KASH5: variants seen among roughly 807,000 people sequenced by gnomAD.
KASH5 encodes the protein protein KASH5.
A neutral mutation model predicts 84.2 loss-of-function variants in KASH5; 72 were observed. The observed-to-expected ratio is 0.85, with a 90% CI of 0.71 to 1.04. The LOEUF is 1.04. Ranked by LOEUF, KASH5 falls within the 50% of genes least tolerant of loss-of-function variation. KASH5 has a pLI of 0.00. For missense variants in KASH5, 650 were observed against 701.0 expected, an observed-to-expected ratio of 0.93 and a Z score of 0.82; for synonymous variants, 260 against 279.1, an observed-to-expected ratio of 0.93 and a Z score of 0.68.
chr19:49,407,668 G>A lies in KASH5; in HGVS notation c.990G>A (p.Thr330=), dbSNP rs745465947. 2.6e-5 allele frequency: 41 copies of A among 1,603,452 alleles called. 1 individual carries two copies. Among genetic ancestry groups the A allele is most frequent in the East Asian group, 2.3e-4 (10 of 44,248 alleles). ...CCCTGGAAGAATACAGAGTGACGAC[G>A]CAGGTAACTCAGCGGCCCTCGCCAC... is the stretch of plus-strand genomic sequence containing the variant. ...AQTLEEYRVT[T]QELRLEISRL... is the part of the protein sequence containing the mutation. Residue 330 remains threonine, a synonymous_variant, in exon 12 of 20, where the codon ACG becomes ACA. Transcript: ENST00000447857.
intron 9 of KASH5, among the ~76,000 whole-genome samples, chr19:49,401,349 C>CT (rs1974354922): frequency 6.6e-6 from 1 of 152,138 alleles, no homozygotes; most frequent in Non-Finnish European, 1.5e-5. Context: ...AGAGATTCCT[C>CT]TGTTCTCCCT....
At chr19:49,402,339 G>A (rs971672485) in intron 9 of KASH5, among the ~76,000 whole-genome samples, 5 of 152,048 alleles carry the variant, frequency 3.3e-5, no homozygotes, top group African/African-American at 9.7e-5. Flanking sequence ...GCCTAGGCCA[G>A]GAGTTCGAGA....
chr19:49,392,989 C>T (rs910068769), intron 2 of KASH5, among the ~76,000 whole-genome samples: 1 of 151,740 alleles, frequency 6.6e-6, no homozygotes, highest in African/African-American at 2.4e-5. Flanking sequence ...TGAGTCCACA[C>T]GCCCCTTCCC....
intron 12 of KASH5, 26 bp downstream of exon 12, chr19:49,407,697 C>T: frequency 6.3e-7 from 1 of 1,580,690 alleles, no homozygotes; most frequent in Non-Finnish European, 8.6e-7. Flanking sequence ...TCGCCACCCA[C>T]CGCGGCCCTC....
chr19:49,394,968 G>A lies in KASH5; in HGVS notation c.149-138G>A, dbSNP rs927144306. The A allele has an allele frequency of 1.8e-4, 117 of 652,926 alleles. 1 individual carries two copies. In the South Asian group the frequency reaches 2.3e-3, roughly 13 times the overall value. The allele number at this position is 652,926 out of a possible 1,614,324, so 40.4% of individuals were successfully genotyped here. A position where few individuals can be genotyped will look rare whatever the true frequency, so the allele number is the denominator to read the frequency against. The stretch of plus-strand genomic sequence containing the variant: ...GGACTCAGAGGAGGGGAAAGGGCTT[G>A]CCCAGTGTGTCTCCACTGGGCCATG... On this transcript the variant is annotated intron_variant, in intron 3 of 19. Coordinates refer to ENST00000447857, the MANE Select transcript of KASH5 (RefSeq NM_144688.5).
In KASH5 at chr19:49,412,945, A is replaced by AT; in HGVS notation, c.1270-23_1270-22insT. On this transcript the variant is annotated intron_variant, in intron 15 of 19. Transcript: ENST00000447857. The surrounding 1 kb of genome is among the most constrained non-coding windows in gnomAD (Gnocchi z 4.6). Reference sequence around the variant, plus strand: ...CTTTGAGTGAGAAGAATCAGAGAAGAACTAACCTTTTTGTTTCCACAGAGA... The same window carrying AT: ...CTTTGAGTGAGAAGAATCAGAGAAGATACTAACCTTTTTGTTTCCACAGAGA... 6.2e-7 allele frequency: 1 copy of AT among 1,613,242 alleles called. No individual in the cohort carries two copies. The highest frequency in any genetic ancestry group is 8.5e-7 in the Non-Finnish European group (1 of 1,179,428).
chr19:49,404,018 AG>A (rs1701910563), intron 9 of KASH5, among the ~76,000 whole-genome samples: 1 of 152,236 alleles, frequency 6.6e-6, no homozygotes, highest in African/African-American at 2.4e-5. Flanking sequence ...CTGCAGAAGG[AG>A]GCAGGAGCAG....
intron 2 of KASH5, 78 bp downstream of exon 2, chr19:49,391,004 G>A (rs1032141529): frequency 1.1e-5 from 17 of 1,518,934 alleles, no homozygotes; most frequent in African/African-American, 4.1e-5. Flanking sequence ...GCTGTGACTC[G>A]GGGACTTGGG....
At chr19:49,393,281 A>G (rs984235033) in intron 2 of KASH5, 1 of 152,252 alleles carries the variant, frequency 6.6e-6, no homozygotes, top group African/African-American at 2.4e-5. Flanking sequence ...TCTATTCTTG[A>G]GTCCCCACCA....
chr19:49,395,894 AC>A lies in KASH5; in HGVS notation c.400+63del. On this transcript the variant is annotated intron_variant, in intron 5 of 19. Coordinates refer to ENST00000447857, the MANE Select transcript of KASH5 (RefSeq NM_144688.5). This position sits in a 1 kb window ranked among gnomAD's most constrained non-coding sequence, Gnocchi z 4.4. ...CCTGGGTCAGACAGTGTGGGGACTTACCACCCAGGGCAGAGCAAGGGATAGG... is the reference window on the plus strand; with the variant it reads ...CCTGGGTCAGACAGTGTGGGGACTTACACCCAGGGCAGAGCAAGGGATAGG... 7.1e-7 allele frequency: 1 copy of A among 1,410,870 alleles called. No individual in the cohort carries two copies. Among genetic ancestry groups the A allele is most frequent in the Non-Finnish European group, 9.7e-7 (1 of 1,027,406 alleles). 87.4% of individuals were successfully genotyped at this position (1,410,870 alleles called of 1,614,324 possible). A position where few individuals can be genotyped will look rare whatever the true frequency, so the allele number is the denominator to read the frequency against.
intron 9 of KASH5, among the ~76,000 whole-genome samples, chr19:49,405,456 C>CA (rs58604196): frequency 0.016 from 1,407 of 90,228 alleles, 8 homozygotes; most frequent in Middle Eastern, 0.028. Context: ...AAACTCCTCT[C>CA]AAAAAAAAAA....
At position 49,414,823 on chromosome 19, in the gene KASH5, C is replaced by G. The variant is rs972681270; in HGVS notation, c.1329-128C>G. The G allele has an allele frequency of 1.0e-6, 1 of 971,494 alleles. No homozygotes were observed. Among genetic ancestry groups the G allele is most frequent in the African/African-American group, 1.6e-5 (1 of 61,418 alleles). 60.2% of individuals were successfully genotyped at this position (971,494 alleles called of 1,614,324 possible). ...GCCCGTCCGTGCTGCCTGGCCTCCC[C>G]CAGGCCCGTCCGTGCTGCCTGGCCT... On this transcript the variant is annotated intron_variant, in intron 16 of 19. Coordinates refer to ENST00000447857, the MANE Select transcript of KASH5 (RefSeq NM_144688.5). The surrounding 1 kb of genome is among the most constrained non-coding windows in gnomAD (Gnocchi z 4.5).
In KASH5 at chr19:49,395,728, G is replaced by T. The variant is rs770535789; in HGVS notation, c.336-41G>T. On this transcript the variant is annotated intron_variant, in intron 4 of 19. Coordinates refer to ENST00000447857, the MANE Select transcript of KASH5 (RefSeq NM_144688.5). This position sits in a 1 kb window ranked among gnomAD's most constrained non-coding sequence, Gnocchi z 4.4. Reference sequence around the variant, plus strand: ...GCCTGTGGCTGGTGAGGACTGAGGGGCAGCTACAGTGGGGCGCTAAGCCTC... The same window carrying T: ...GCCTGTGGCTGGTGAGGACTGAGGGTCAGCTACAGTGGGGCGCTAAGCCTC... 18 of 1,540,852 alleles carry T rather than the reference G, an allele frequency of 1.2e-5. No homozygotes were observed. The South Asian group carries it at 2.1e-4, about 18-fold the overall frequency.
intron 7 of KASH5, among the ~76,000 whole-genome samples, 182 bp from the exon 8 acceptor site, chr19:49,398,843 C>G (rs1974270386): frequency 6.6e-6 from 1 of 152,132 alleles, no homozygotes; most frequent in Non-Finnish European, 1.5e-5. Flanking sequence ...GTCTCTGTGC[C>G]CACACCAGGT....
intron 9 of KASH5, among the ~76,000 whole-genome samples, chr19:49,401,154 T>C (rs566592796): frequency 1.2e-4 from 19 of 152,316 alleles, no homozygotes; most frequent in South Asian, 2.1e-4. Flanking sequence ...TGATCCCTTA[T>C]CTGGGCTGGG....
intron 3 of KASH5, 89 bp downstream of exon 3, chr19:49,394,669 C>A: frequency 2.1e-6 from 2 of 964,230 alleles, no homozygotes; most frequent in South Asian, 1.4e-5. Flanking sequence ...GAAGACTGGG[C>A]TAAGGCCCCC....
intron 2 of KASH5, among the ~76,000 whole-genome samples, chr19:49,391,457 T>C (rs1210674841): frequency 1.3e-5 from 2 of 152,084 alleles, no homozygotes; most frequent in African/African-American, 2.4e-5. Flanking sequence ...AAGGAACAGG[T>C]GAAATGAATG....
chr19:49,407,607 C>T lies in KASH5; in HGVS notation c.934-5C>T. 1 of 1,590,750 alleles carries T rather than the reference C, an allele frequency of 6.3e-7. No homozygotes were observed. The highest frequency in any genetic ancestry group is 8.6e-7 in the Non-Finnish European group (1 of 1,169,024). On this transcript the variant is annotated splice_polypyrimidine_tract_variant and splice_region_variant and intron_variant, in intron 11 of 19. Coordinates refer to ENST00000447857, the MANE Select transcript of KASH5 (RefSeq NM_144688.5). ...CCAGTCTCATTTGGCTTTCGGCTTT[C>T]CTAGCGCACTCGCGATGTGGAGAGC...
Position 49,395,873 on chromosome 19 carries a change from G to A in KASH5, c.400+40G>A. ...TATAGAATGAAGCAGGCAGGCCCTGGGTCAGACAGTGTGGGGACTTACCAC... is the reference window on the plus strand; with the variant it reads ...TATAGAATGAAGCAGGCAGGCCCTGAGTCAGACAGTGTGGGGACTTACCAC... On this transcript the variant is annotated intron_variant, in intron 5 of 19. Transcript: ENST00000447857. This position sits in a 1 kb window ranked among gnomAD's most constrained non-coding sequence, Gnocchi z 4.4. The A allele has an allele frequency of 1.3e-6, 2 of 1,523,716 alleles. No homozygotes were observed. The highest frequency in any genetic ancestry group is 1.8e-6 in the Non-Finnish European group (2 of 1,126,442). 94.4% of individuals were successfully genotyped at this position (1,523,716 alleles called of 1,614,324 possible). A position where few individuals can be genotyped will look rare whatever the true frequency, so the allele number is the denominator to read the frequency against.
Sources: allele counts gnomAD v4.1 joint callset (sites outside exome capture counted in the v4.1 genomes callset), GRCh38; gene constraint gnomAD v4.1.1; non-coding constraint Gnocchi (gnomAD v3.1); transcripts MANE v1.5; gene names NCBI Gene and HGNC (gene_info 2026-07-23, HGNC 2026-07-21).